The following CCNB3 variants were observed in gnomAD, a reference collection of about 807,000 sequenced individuals.
The protein encoded by CCNB3 is G2/mitotic-specific cyclin-B3.
CCNB3 carries 12 observed loss-of-function variants against 68.0 expected under a neutral mutation model. The ratio of observed to expected loss-of-function variants is 0.18; its 90% CI spans 0.11 to 0.29. The LOEUF (loss-of-function observed/expected upper bound fraction) is 0.29. Among genes scored for constraint, CCNB3 ranks in the 10% least tolerant of loss-of-function variants. The probability of loss-of-function intolerance (pLI) is 1.00; values close to 1 mark genes in which losing one functional copy is unlikely to be tolerated. For synonymous variants in CCNB3, 354 were observed against 388.9 expected (o/e 0.91, Z 1.06); for missense variants, 904 against 993.1 (o/e 0.91, Z 1.21).
intron 8 of CCNB3, among the ~76,000 whole-genome samples, chrX:50,336,952 A>G (rs1289241389): frequency 9.0e-6 from 1 of 111,643 alleles, no homozygotes; most frequent in East Asian, 2.8e-4. Context: ...TCTGTATAAT[A>G]GTTTGGAGCA....
intron 1 of CCNB3, among the ~76,000 whole-genome samples, chrX:50,223,211 C>T (rs951123713): frequency 9.0e-6 from 1 of 110,832 alleles, no homozygotes; most frequent in Non-Finnish European, 1.9e-5. Flanking sequence ...TTAGAACATG[C>T]TCCTTTAGCT....
intron 5 of CCNB3, among the ~76,000 whole-genome samples, chrX:50,298,972 G>A (rs781822590): frequency 9.0e-6 from 1 of 111,456 alleles, no homozygotes; most frequent in African/African-American, 3.3e-5. Flanking sequence ...TGGGATCGGT[G>A]GTGATATCCC....
intron 8 of CCNB3, among the ~76,000 whole-genome samples, chrX:50,322,488 A>G (rs1293152853): frequency 9.0e-6 from 1 of 111,644 alleles, no homozygotes; most frequent in Non-Finnish European, 1.9e-5. Context: ...AACCTAGGCA[A>G]TACCATTCAG....
intron 8 of CCNB3, among the ~76,000 whole-genome samples, chrX:50,322,458 C>T (rs1557216687): frequency 2.7e-5 from 3 of 111,438 alleles, no homozygotes; most frequent in Non-Finnish European, 1.9e-5. Flanking sequence ...AGACCTAAAA[C>T]CATAAAAACT....
chrX:50,338,310 G>A (rs1425671574), intron 8 of CCNB3, among the ~76,000 whole-genome samples: 1 of 112,290 alleles, frequency 8.9e-6, no homozygotes. Flanking sequence ...GTTGTGGAAG[G>A]AAACAGCTTT....
intron 3 of CCNB3, among the ~76,000 whole-genome samples, chrX:50,286,632 GGTT>G (rs1416492251): frequency 5.1e-5 from 4 of 78,395 alleles, no homozygotes; most frequent in African/African-American, 9.4e-5. Flanking sequence ...TTTTTTTTTT[GGTT>G]GTTGTTGTTG....
At chrX:50,215,101 T>C (rs1353596499) in intron 1 of CCNB3, among the ~76,000 whole-genome samples, 1 of 110,593 alleles carries the variant, frequency 9.0e-6, no homozygotes, top group Non-Finnish European at 1.9e-5. Flanking sequence ...GCCATTCTCT[T>C]GCCTCAGCCT....
intron 1 of CCNB3, among the ~76,000 whole-genome samples, chrX:50,225,090 A>G (rs1935730710): frequency 9.0e-6 from 1 of 111,521 alleles, no homozygotes; most frequent in Admixed American, 9.6e-5. Flanking sequence ...AAAATTACAA[A>G]TTGCAGTATT....
At chrX:50,279,318 T>C (rs1437495027) in intron 1 of CCNB3, among the ~76,000 whole-genome samples, 1 of 72,300 alleles carries the variant, frequency 1.4e-5, no homozygotes, top group Non-Finnish European at 2.3e-5. Context: ...ATATTTAATA[T>C]ATATTTAAAT....
chrX:50,228,161 A>G (rs1423040024), intron 1 of CCNB3, among the ~76,000 whole-genome samples: 1 of 92,315 alleles, frequency 1.1e-5, no homozygotes, highest in African/African-American at 3.9e-5. Context: ...ATATCTACAT[A>G]GAATGCATAT....
intron 1 of CCNB3, among the ~76,000 whole-genome samples, chrX:50,227,807 T>C (rs1162212459): frequency 2.4e-5 from 2 of 82,222 alleles, no homozygotes; most frequent in Non-Finnish European, 4.4e-5. Flanking sequence ...AGAGAATAAA[T>C]ATAAATATAT....
chrX:50,210,366 A>G (rs1935463509), intron 1 of CCNB3, among the ~76,000 whole-genome samples: 1 of 112,183 alleles, frequency 8.9e-6, no homozygotes, highest in South Asian at 3.7e-4. Context: ...AAATATGTTT[A>G]AAAAATTTTG....
intron 8 of CCNB3, among the ~76,000 whole-genome samples, chrX:50,340,872 A>T (rs910954171): frequency 8.0e-5 from 9 of 111,810 alleles, no homozygotes; most frequent in Admixed American, 2.8e-4. Flanking sequence ...GTACAAATAC[A>T]TGGACATTAA....
intron 5 of CCNB3, among the ~76,000 whole-genome samples, chrX:50,298,698 G>C (rs1936541903): frequency 9.0e-6 from 1 of 111,519 alleles, no homozygotes; most frequent in African/African-American, 3.3e-5. Context: ...AATAGTTTCA[G>C]AAGGAATGGT....
intron 5 of CCNB3, among the ~76,000 whole-genome samples, chrX:50,298,600 T>A (rs1286200821): frequency 9.0e-6 from 1 of 111,596 alleles, no homozygotes; most frequent in Non-Finnish European, 1.9e-5. Context: ...TCTCTTTTTT[T>A]GTTGTGTCTC....
intron 6 of CCNB3, among the ~76,000 whole-genome samples, 183 bp from the exon 7 acceptor site, chrX:50,312,354 A>G: frequency 9.0e-6 from 1 of 111,588 alleles, no homozygotes; most frequent in South Asian, 3.9e-4. Context: ...GCATTTCTTG[A>G]TCCCTGGACC....
At chrX:50,300,339 A>C (rs1437181933) in intron 5 of CCNB3, among the ~76,000 whole-genome samples, 1 of 111,043 alleles carries the variant, frequency 9.0e-6, no homozygotes, top group Non-Finnish European at 1.9e-5. Context: ...GTGGTGACAA[A>C]ATCTCTCAGC....
At chrX:50,210,646 A>G (rs895976590) in intron 1 of CCNB3, among the ~76,000 whole-genome samples, 7 of 111,243 alleles carry the variant, frequency 6.3e-5, no homozygotes, top group Non-Finnish European at 1.9e-5. Context: ...TCAGTTATCT[A>G]TCAAGGAGGC....
At chrX:50,227,876 TATAG>T (rs1935931429) in intron 1 of CCNB3, among the ~76,000 whole-genome samples, 1 of 83,763 alleles carries the variant, frequency 1.2e-5, no homozygotes, top group Non-Finnish European at 2.2e-5. Context: ...TATATAAATA[TATAG>T]AGAGAAAATA....
Sources: allele counts gnomAD v4.1 joint callset (sites outside exome capture counted in the v4.1 genomes callset), GRCh38; gene constraint gnomAD v4.1.1; transcripts MANE v1.5; gene names NCBI Gene and HGNC (gene_info 2026-07-23, HGNC 2026-07-21).